ZNF536: variants seen among roughly 807,000 people sequenced by gnomAD.
The protein encoded by ZNF536 is zinc finger protein 536.
In ZNF536, 13 loss-of-function variants were observed where a neutral mutation model predicts 84.5. The observed-to-expected ratio is 0.15, with a 90% CI of 0.10 to 0.24. The LOEUF (loss-of-function observed/expected upper bound fraction) is 0.24. ZNF536 is among the 10% of genes least tolerant of loss of function. ZNF536 has a pLI of 1.00. For synonymous variants in ZNF536, 811 were observed against 742.5 expected (o/e 1.09, Z -1.50); for missense variants, 1,536 against 1,747.5 (o/e 0.88, Z 2.16).
intron 1 of ZNF536, among the ~76,000 whole-genome samples, chr19:30,695,142 G>A (rs985323766): frequency 6.6e-6 from 1 of 152,172 alleles, no homozygotes; most frequent in South Asian, 2.1e-4. Flanking sequence ...GGCATGGTGG[G>A]GCATTCCAGG....
chr19:30,410,649 T>TTG (rs2050452388), intron 1 of ZNF536, among the ~76,000 whole-genome samples: 2 of 151,956 alleles, frequency 1.3e-5, no homozygotes, highest in African/African-American at 4.8e-5. Flanking sequence ...TAATTTTTTT[T>TTG]TGTGTTTTTT....
intron 1 of ZNF536, among the ~76,000 whole-genome samples, chr19:30,701,932 A>G (rs1287316087): frequency 2.0e-5 from 3 of 152,164 alleles, no homozygotes; most frequent in African/African-American, 7.2e-5. Context: ...CATGTTCACC[A>G]ATGGGCACTG....
intron 2 of ZNF536, among the ~76,000 whole-genome samples, chr19:30,492,507 A>C (rs1308011158): frequency 6.6e-6 from 1 of 152,230 alleles, no homozygotes; most frequent in Non-Finnish European, 1.5e-5. Flanking sequence ...AAGAACACTC[A>C]AACCTTCCTT....
At chr19:30,632,655 C>CAACCAACCAATCAACCAACA (rs2048933733) in intron 1 of ZNF536, among the ~76,000 whole-genome samples, 2 of 1,098 alleles carry the variant, frequency 1.8e-3, no homozygotes, top group Non-Finnish European at 6.8e-3. Context: ...ACCAACAAAC[C>CAACCAACCAATCAACCAACA]AACCAACCAA....
upstream of ZNF536, among the ~76,000 whole-genome samples, chr19:30,226,049 C>T (rs969924587): frequency 2.0e-5 from 3 of 151,996 alleles, no homozygotes; most frequent in African/African-American, 7.2e-5. This position sits in a 1 kb window ranked among gnomAD's most constrained non-coding sequence, Gnocchi z 4.6. Flanking sequence ...GGGCCGCCGC[C>T]TCCCCGCCCG....
chr19:30,522,277 A>T (rs1197107302), intron 2 of ZNF536, among the ~76,000 whole-genome samples: 7 of 121,364 alleles, frequency 5.8e-5, no homozygotes, highest in African/African-American at 3.1e-4. Flanking sequence ...ATATATACAT[A>T]TATATAATAT....
At chr19:30,235,644 A>G (rs1456807755) in intron 1 of ZNF536, among the ~76,000 whole-genome samples, 1 of 152,200 alleles carries the variant, frequency 6.6e-6, no homozygotes, top group Admixed American at 6.5e-5. Context: ...CTAGAGAAAA[A>G]AAGTAGCTTA....
Position 30,457,041 on chromosome 19 carries a change from C to CAA in ZNF536, c.2170+11323_2170+11324dup, listed in dbSNP as rs11405582. Among the ~76,000 whole-genome samples, 335 of 117,488 alleles carry CAA rather than the reference C, an allele frequency of 2.9e-3. 3 individuals carry two copies. The highest frequency in any genetic ancestry group is 3.5e-3 in the Non-Finnish European group (206 of 58,830). The allele number at this position is 117,488 out of a possible 152,430, so 77.1% of individuals were successfully genotyped here. A position where few individuals can be genotyped will look rare whatever the true frequency, so the allele number is the denominator to read the frequency against. On this transcript the variant is annotated intron_variant, in intron 2 of 4. Transcript: ENST00000355537. Reference sequence around the variant, plus strand: ...TAGGCAACAGAGCAAGACTTCATCTCAAAAAAAAAAAAAAACAAAAAAAAA... The same window carrying CAA: ...TAGGCAACAGAGCAAGACTTCATCTCAAAAAAAAAAAAAAAAACAAAAAAAAA...
chr19:30,382,464 T>G (rs2049057999), intron 1 of ZNF536, among the ~76,000 whole-genome samples: 1 of 152,222 alleles, frequency 6.6e-6, no homozygotes, highest in Non-Finnish European at 1.5e-5. Flanking sequence ...TATTTACAAA[T>G]TAATAAAGCA....
chr19:30,650,838 T>C (rs921031867), intron 1 of ZNF536, among the ~76,000 whole-genome samples: 3 of 152,186 alleles, frequency 2.0e-5, no homozygotes, highest in African/African-American at 7.2e-5. Context: ...GTTAAAATGA[T>C]CTGCAAGTCG....
At chr19:30,260,584 T>C (rs959154787) in intron 1 of ZNF536, among the ~76,000 whole-genome samples, 1 of 152,210 alleles carries the variant, frequency 6.6e-6, no homozygotes, top group African/African-American at 2.4e-5. Flanking sequence ...AGAGAGACTC[T>C]TGGTGAGTTC....
intron 2 of ZNF536, among the ~76,000 whole-genome samples, chr19:30,291,704 G>A (rs1325385828): frequency 6.6e-6 from 1 of 152,172 alleles, no homozygotes; most frequent in African/African-American, 2.4e-5. Flanking sequence ...TCTGCCAGCA[G>A]CGTGCCAGGC....
chr19:30,270,949 T>A (rs1041433597), intron 1 of ZNF536, among the ~76,000 whole-genome samples: 16 of 152,126 alleles, frequency 1.1e-4, no homozygotes, highest in African/African-American at 3.6e-4. Flanking sequence ...TTTTTTTTTT[T>A]ATAATGTGCC....
chr19:30,458,476 A>T (rs1600822917), intron 2 of ZNF536, among the ~76,000 whole-genome samples: 3 of 55,368 alleles, frequency 5.4e-5, no homozygotes, highest in Admixed American at 2.3e-4. Flanking sequence ...TTTTTGACCG[A>T]GTTTCACTCT....
chr19:30,394,825 C>G (rs575475290), intron 1 of ZNF536, among the ~76,000 whole-genome samples: 1 of 152,260 alleles, frequency 6.6e-6, no homozygotes, highest in East Asian at 1.9e-4. Context: ...TGAGGTGACA[C>G]CATGGAGGCC....
chr19:30,592,350 C>A (rs2047305566), intron 1 of ZNF536, among the ~76,000 whole-genome samples: 1 of 152,072 alleles, frequency 6.6e-6, no homozygotes, highest in African/African-American at 2.4e-5. Flanking sequence ...TTCCATTTTT[C>A]CCCTTCCGGC....
At chr19:30,298,489 G>A (rs1209608907) in intron 2 of ZNF536, among the ~76,000 whole-genome samples, 1 of 152,176 alleles carries the variant, frequency 6.6e-6, no homozygotes, top group Non-Finnish European at 1.5e-5. Context: ...GGTAGCGTTG[G>A]GGTCAGAATC....
At chr19:30,623,019 T>TG (rs1044911435) in intron 1 of ZNF536, among the ~76,000 whole-genome samples, 5 of 100,906 alleles carry the variant, frequency 5.0e-5, no homozygotes, top group African/African-American at 1.2e-4. Context: ...AAAAATCTTG[T>TG]GTTTTTTTTT....
At chr19:30,373,947 C>G (rs1257721420) in intron 1 of ZNF536, among the ~76,000 whole-genome samples, 2 of 152,230 alleles carry the variant, frequency 1.3e-5, no homozygotes, top group African/African-American at 4.8e-5. Flanking sequence ...CCACCCGCCG[C>G]CCGCCTGTTT....
Sources: gnomAD v4.1 joint callset for allele counts (sites outside exome capture counted in the v4.1 genomes callset) on GRCh38, gnomAD v4.1.1 for gene constraint, Gnocchi (gnomAD v3.1) non-coding constraint, MANE v1.5 for transcripts, NCBI Gene and HGNC (gene_info 2026-07-23, HGNC 2026-07-21) for gene names.